The following MAMDC2 variants were observed in gnomAD, a reference collection of about 807,000 sequenced individuals.
MAMDC2 encodes MAM domain-containing protein 2.
Under a neutral mutation model 89.8 loss-of-function variants are expected in MAMDC2, and 57 were observed. The ratio of observed to expected loss-of-function variants is 0.63; its 90% CI spans 0.51 to 0.79. MAMDC2 has a LOEUF of 0.79. MAMDC2 is among the 30% of genes least tolerant of loss of function. The pLI is 0.00. For synonymous variants in MAMDC2, 313 were observed against 293.4 expected (o/e 1.07, Z -0.68); for missense variants, 800 against 820.6 (o/e 0.97, Z 0.31).
intron 2 of MAMDC2, among the ~76,000 whole-genome samples, chr9:70,065,674 C>G (rs531474660): frequency 9.3e-5 from 14 of 150,082 alleles, no homozygotes; most frequent in African/African-American, 2.7e-4. Context: ...TGATAGAAAA[C>G]GTGTACTTCA....
At chr9:70,155,956 T>G (rs1409763763) in intron 9 of MAMDC2, among the ~76,000 whole-genome samples, 1 of 152,196 alleles carries the variant, frequency 6.6e-6, no homozygotes, top group Non-Finnish European at 1.5e-5. Flanking sequence ...GGAGCTCTAG[T>G]TCAGGAATAT....
At chr9:70,092,455 A>G (rs1827923863) in intron 2 of MAMDC2, 1 of 152,294 alleles carries the variant, frequency 6.6e-6, no homozygotes, top group Non-Finnish European at 1.5e-5. Context: ...TACACAAGCC[A>G]GATCTGTAAA....
intron 5 of MAMDC2, among the ~76,000 whole-genome samples, chr9:70,119,278 A>C (rs1927109): frequency 0.9 from 136,433 of 152,082 alleles, 61,569 homozygotes; most frequent in East Asian, 1. Flanking sequence ...TGGTGCTATT[A>C]TGGAAGAAGC....
chr9:70,092,512 A>C (rs767344136), intron 2 of MAMDC2: 12 of 152,294 alleles, frequency 7.9e-5, no homozygotes, highest in Non-Finnish European at 1.8e-4. Flanking sequence ...TAGAGCAGGC[A>C]GGACATGGTA....
chr9:70,155,615 A>T (rs914100679), intron 9 of MAMDC2, among the ~76,000 whole-genome samples: 2 of 152,070 alleles, frequency 1.3e-5, no homozygotes, highest in Non-Finnish European at 2.9e-5. Flanking sequence ...CCTTCCTTTC[A>T]TCTCAGTACC....
intron 2 of MAMDC2, among the ~76,000 whole-genome samples, chr9:70,066,640 C>G (rs1827273105): frequency 6.6e-6 from 1 of 152,122 alleles, no homozygotes; most frequent in Admixed American, 6.5e-5. Context: ...TCTGGCTTTT[C>G]TCATCAAGCC....
chr9:70,121,678 C>T (rs748083750), intron 5 of MAMDC2, among the ~76,000 whole-genome samples: 19 of 151,252 alleles, frequency 1.3e-4, no homozygotes, highest in Non-Finnish European at 2.2e-4. Context: ...CCATCTATAC[C>T]TAGTTTCATC....
At chr9:70,116,304 C>G (rs1218294733) in intron 5 of MAMDC2, among the ~76,000 whole-genome samples, 1 of 152,168 alleles carries the variant, frequency 6.6e-6, no homozygotes, top group Admixed American at 6.5e-5. Flanking sequence ...GCTTGTGTTA[C>G]CTGAGTGCAA....
chr9:70,141,996 G>A (rs1352890887), intron 8 of MAMDC2, among the ~76,000 whole-genome samples: 1 of 152,138 alleles, frequency 6.6e-6, no homozygotes, highest in Non-Finnish European at 1.5e-5. Flanking sequence ...GGAGGTCAAA[G>A]GATCCTTCCT....
intron 11 of MAMDC2, among the ~76,000 whole-genome samples, chr9:70,197,597 G>C (rs746998287): frequency 5.9e-5 from 9 of 152,056 alleles, no homozygotes; most frequent in Non-Finnish European, 1.3e-4. Flanking sequence ...TCCTAGGAAG[G>C]AACGCAGCAT....
At chr9:70,133,231 C>T (rs371529263) in intron 7 of MAMDC2, among the ~76,000 whole-genome samples, 24 of 152,178 alleles carry the variant, frequency 1.6e-4, no homozygotes, top group Non-Finnish European at 2.1e-4. Context: ...CTAATATCTG[C>T]GCTGGGCAGA....
chr9:70,099,549 T>C (rs532197173), intron 2 of MAMDC2, among the ~76,000 whole-genome samples: 4 of 152,266 alleles, frequency 2.6e-5, no homozygotes, highest in Non-Finnish European at 5.9e-5. Flanking sequence ...TTTGATTATC[T>C]AGTAGATCCC....
At chr9:70,196,826 C>A (rs1003993362) in intron 11 of MAMDC2, among the ~76,000 whole-genome samples, 1 of 151,964 alleles carries the variant, frequency 6.6e-6, no homozygotes, top group Admixed American at 6.6e-5. Context: ...GGATAGTGTA[C>A]AAAGCAAAGA....
chr9:70,123,159 T>C (rs1039070873), intron 5 of MAMDC2, among the ~76,000 whole-genome samples: 1 of 152,238 alleles, frequency 6.6e-6, no homozygotes, highest in Non-Finnish European at 1.5e-5. Flanking sequence ...CAGTTCTCCC[T>C]GCTCATATCT....
At chr9:70,068,495 A>G (rs1327007798) in intron 2 of MAMDC2, among the ~76,000 whole-genome samples, 1 of 152,052 alleles carries the variant, frequency 6.6e-6, no homozygotes, top group East Asian at 1.9e-4. Flanking sequence ...TGGTGGGTAG[A>G]TCACTTGAGG....
chr9:70,072,310 G>A (rs556611179), intron 2 of MAMDC2, among the ~76,000 whole-genome samples: 1 of 152,296 alleles, frequency 6.6e-6, no homozygotes, highest in Admixed American at 6.5e-5. Context: ...CAGTCCCACT[G>A]TGGGGTGACT....
At chr9:70,055,639 C>T (rs552625608) in intron 2 of MAMDC2, among the ~76,000 whole-genome samples, 9 of 152,188 alleles carry the variant, frequency 5.9e-5, no homozygotes, top group African/African-American at 2.2e-4. Flanking sequence ...AGTGTGTCTC[C>T]CGGGCAGTGG....
chr9:70,047,694 G>A (rs1021183763), intron 2 of MAMDC2, among the ~76,000 whole-genome samples: 2 of 152,138 alleles, frequency 1.3e-5, no homozygotes, highest in African/African-American at 4.8e-5. Context: ...TATGTCCATG[G>A]TCCGTAGGTT....
intron 2 of MAMDC2, among the ~76,000 whole-genome samples, chr9:70,101,162 AT>A (rs1199937910): frequency 1.3e-5 from 2 of 151,986 alleles, no homozygotes; most frequent in Admixed American, 6.5e-5. Context: ...AAAGTAAAAA[AT>A]GTTACAATAT....
Sources: gnomAD v4.1 joint callset for allele counts (sites outside exome capture counted in the v4.1 genomes callset) on GRCh38, gnomAD v4.1.1 for gene constraint, MANE v1.5 for transcripts, NCBI Gene and HGNC (gene_info 2026-07-23, HGNC 2026-07-21) for gene names.